The following KMT2A variants were observed in gnomAD, a reference collection of about 807,000 sequenced individuals.
The protein encoded by KMT2A is histone-lysine N-methyltransferase 2A.
KMT2A carries 16 observed loss-of-function variants against 345.3 expected under a neutral mutation model. The observed-to-expected ratio is 0.05, with a 90% confidence interval of 0.03 to 0.07. The LOEUF (loss-of-function observed/expected upper bound fraction) is 0.07, where lower values mean the gene tolerates loss of function less well. KMT2A is among the 10% of genes least tolerant of loss of function. The pLI is 1.00. For missense variants in KMT2A, 3,272 were observed against 4,841.6 expected (o/e 0.68, Z 9.62); for synonymous variants, 1,599 against 1,778.6 (o/e 0.90, Z 2.54).
chr11:118,502,683 C>T lies in KMT2A; in HGVS notation c.6791C>T (p.Ser2264Phe), dbSNP rs2134385964. 6.2e-7 allele frequency: 1 copy of T among 1,614,148 alleles called. No homozygotes were observed. Residue 2264 changes from serine to phenylalanine, a missense_variant, in exon 27 of 36, where the codon TCC becomes TTC. Ser to Phe is a radical substitution (Grantham distance 155). Coordinates refer to ENST00000534358, the MANE Select transcript of KMT2A (RefSeq NM_001197104.2). This position sits in a 1 kb window ranked among gnomAD's most constrained non-coding sequence, Gnocchi z 4.9. ...NSSTSLGQNT[S>F]TSSNLQRTVV... ...AGTACTAGTTTAGGGCAAAACACTT[C>T]CACCTCTTCAAATTTGCAAAGGACA... is the stretch of plus-strand genomic sequence containing the variant.
chr11:118,482,303 G>A (rs1456399103), intron 7 of KMT2A, 119 bp from the exon 8 acceptor site: 14 of 905,436 alleles, frequency 1.5e-5, no homozygotes, highest in African/African-American at 8.6e-5. Flanking sequence ...TTTCCTGTTC[G>A]AAGCCTAGAG....
Position 118,481,814 on chromosome 11 carries a change from C to T in KMT2A, c.3734C>T (p.Thr1245Ile), listed in dbSNP as rs528361199. 6.2e-7 allele frequency: 1 copy of T among 1,614,188 alleles called. No individual in the cohort carries two copies. The highest frequency in any genetic ancestry group is 1.1e-5 in the South Asian group (1 of 91,082). Reference sequence around the variant, plus strand: ...GTGGTGGACTCTAGTCAGAAACCTACCCCATCAGCAAGAGAGGATCCTGCC... The same window carrying T: ...GTGGTGGACTCTAGTCAGAAACCTATCCCATCAGCAAGAGAGGATCCTGCC... The part of the protein sequence containing the change: ...KNVVDSSQKP[T>I]PSAREDPAPK... The change falls in exon 7 of 36, where the codon ACC becomes ATC. Residue 1245 changes from threonine (T) to isoleucine (I), a missense_variant. This residue lies in a region of KMT2A where 168 missense variants were observed against 216.0 expected (regional missense o/e 0.78). Transcript: ENST00000534358.
intron 3 of KMT2A, among the ~76,000 whole-genome samples, chr11:118,474,931 C>T (rs1950007386): frequency 1.3e-5 from 2 of 151,824 alleles, no homozygotes; most frequent in South Asian, 2.1e-4. Context: ...TTGAGACCAG[C>T]CTGGCCTGGC....
At position 118,494,778 on chromosome 11, in the gene KMT2A, T is replaced by G; in HGVS notation, c.5363+11T>G. The G allele has an allele frequency of 6.2e-7, 1 of 1,607,238 alleles. No homozygotes were observed. The highest frequency in any genetic ancestry group is 8.5e-7 in the Non-Finnish European group (1 of 1,174,108). ...TAAAGTATCAAGCAAGTAAGTGAAT[T>G]TAGCATAACTTTTTTTTCTCCTCAT... On this transcript the variant is annotated intron_variant, in intron 18 of 35. Transcript: ENST00000534358. The surrounding 1 kb of genome is among the most constrained non-coding windows in gnomAD (Gnocchi z 5.8).
Position 118,490,063 on chromosome 11 carries a change from C to T in KMT2A, c.4576-66C>T, listed in dbSNP as rs2134333911. On this transcript the variant is annotated intron_variant, in intron 12 of 35. Coordinates refer to ENST00000534358, the MANE Select transcript of KMT2A (RefSeq NM_001197104.2). This position sits in a 1 kb window ranked among gnomAD's most constrained non-coding sequence, Gnocchi z 4.2. ...ATCTATAAATGGATGCATTTAAGAT[C>T]TTTTTAGTTAAGTAAAGATATTAAA... The T allele has an allele frequency of 1.3e-6, 2 of 1,529,560 alleles. No individual in the cohort carries two copies. The highest frequency in any genetic ancestry group is 8.8e-7 in the Non-Finnish European group (1 of 1,130,602). 94.7% of individuals were successfully genotyped at this position (1,529,560 alleles called of 1,614,324 possible).
Position 118,482,079 on chromosome 11 carries a change from A to T in KMT2A, c.3999A>T (p.Pro1333=), listed in dbSNP as rs782081647. ...TPSEPKKKQP[P]PPESGPEQSK... ...GTGAGCCCAAGAAAAAGCAGCCTCC[A>T]CCACCAGAATCAGGTGAGTGAGGAG... Residue 1333 remains proline (P), a synonymous_variant, in exon 7 of 36, where the codon CCA becomes CCT. Transcript: ENST00000534358. 5 of 1,607,858 alleles carry T rather than the reference A, an allele frequency of 3.1e-6. No individual in the cohort carries two copies. The African/African-American group carries it at 5.4e-5, about 17-fold the overall frequency.
Position 118,473,500 on chromosome 11 carries a change from A to G in KMT2A, c.2341A>G (p.Ser781Gly), listed in dbSNP as rs1413878132. ...CCCGTCTTCTGTCTCTTCCTCGTTA[A>G]GCATTTCTGTTAGTCCTCTTGCCAC... The part of the protein sequence containing the change: ...TPPSSVSSSL[S>G]ISVSPLATSA... The change falls in exon 3 of 36, where the codon AGC becomes GGC. Residue 781 changes from serine to glycine, a missense_variant. Physicochemically the swap from Ser to Gly is moderately conservative, Grantham distance 56. Coordinates refer to ENST00000534358, the MANE Select transcript of KMT2A (RefSeq NM_001197104.2). This position sits in a 1 kb window ranked among gnomAD's most constrained non-coding sequence, Gnocchi z 5.2. 1.2e-6 allele frequency: 2 copies of G among 1,613,976 alleles called. No individual in the cohort carries two copies. Among genetic ancestry groups the G allele is most frequent in the Non-Finnish European group, 1.7e-6 (2 of 1,180,032 alleles).
In KMT2A at chr11:118,501,624, T is replaced by G. The variant is rs1950502027; in HGVS notation, c.6320-48T>G. The G allele has an allele frequency of 6.0e-6, 9 of 1,491,706 alleles. No individual in the cohort carries two copies. In the Middle Eastern group the frequency reaches 7.1e-4, roughly 117 times the overall value. The allele number at this position is 1,491,706 out of a possible 1,614,324, so 92.4% of individuals were successfully genotyped here. ...ACTTTTTATTGGTTAATTTGTTTGATATTTTAATTGGGCCTTTTTAGTTAA... is the reference window on the plus strand; with the variant it reads ...ACTTTTTATTGGTTAATTTGTTTGAGATTTTAATTGGGCCTTTTTAGTTAA... On this transcript the variant is annotated intron_variant, in intron 25 of 35. Transcript: ENST00000534358.
In KMT2A at chr11:118,524,223, C is replaced by T. The variant is rs144157557; in HGVS notation, c.*2051C>T. 1,144 of 183,362 alleles carry T rather than the reference C, an allele frequency of 6.2e-3. 18 individuals carry two copies. The highest frequency in any genetic ancestry group is 0.024 in the African/African-American group (1,037 of 42,614). The allele number at this position is 183,362 out of a possible 1,614,324, so 11.4% of individuals were successfully genotyped here. ...AACTGAAGCACAGTCTGACCACTCA[C>T]GATAAAGCAGATTTTTCTCTGCCTC... On this transcript the variant is annotated 3_prime_UTR_variant, in exon 36 of 36. Transcript: ENST00000534358.
chr11:118,514,082 T>C (rs1437876581), intron 31 of KMT2A, among the ~76,000 whole-genome samples: 1 of 152,108 alleles, frequency 6.6e-6, no homozygotes, highest in East Asian at 1.9e-4. Flanking sequence ...AAAAGCCCTA[T>C]AACTGAGTCT....
chr11:118,526,247 CCAGT>C lies in KMT2A; in HGVS notation c.*4080_*4083del, dbSNP rs1223226763. 2 of 219,222 alleles carry C rather than the reference CCAGT, an allele frequency of 9.1e-6. No homozygotes were observed. Among genetic ancestry groups the C allele is most frequent in the South Asian group, 1.8e-4 (1 of 5,406 alleles). The allele number at this position is 219,222 out of a possible 1,614,324, so 13.6% of individuals were successfully genotyped here. A position where few individuals can be genotyped will look rare whatever the true frequency, so the allele number is the denominator to read the frequency against. On this transcript the variant is annotated 3_prime_UTR_variant, in exon 36 of 36. Coordinates refer to ENST00000534358, the MANE Select transcript of KMT2A (RefSeq NM_001197104.2). ...GATTTTTTTCTGCCCATGAATGTTG[CCAGT>C]CAGTACCTGTCCTCCTTGTTTCTCT...
intron 1 of KMT2A, among the ~76,000 whole-genome samples, chr11:118,444,917 G>C (rs1206041175): frequency 1.3e-5 from 2 of 152,164 alleles, no homozygotes; most frequent in African/African-American, 2.4e-5. Context: ...TTCTTCATTT[G>C]TAACTGAGAG....
intron 1 of KMT2A, among the ~76,000 whole-genome samples, chr11:118,452,966 A>G (rs782320999): frequency 6.6e-6 from 1 of 151,952 alleles, no homozygotes; most frequent in Non-Finnish European, 1.5e-5. Flanking sequence ...CAACCTCTCC[A>G]TTTGAGCTCT....
chr11:118,438,784 C>G (rs1325069815), intron 1 of KMT2A, among the ~76,000 whole-genome samples: 1 of 151,990 alleles, frequency 6.6e-6, no homozygotes, highest in Non-Finnish European at 1.5e-5. Context: ...TCTAAGGCAG[C>G]CTGATCAGGA....
chr11:118,503,186 G>C lies in KMT2A; in HGVS notation c.7294G>C (p.Gly2432Arg). The change falls in exon 27 of 36, where the codon GGG becomes CGG. Residue 2432 changes from glycine to arginine, a missense_variant. Gly to Arg is a moderately radical substitution (Grantham distance 125, BLOSUM62 -2). Around this residue, in one of 27 missense-constraint regions of KMT2A, gnomAD observed 445 missense variants for 500.9 expected, o/e 0.89. Coordinates refer to ENST00000534358, the MANE Select transcript of KMT2A (RefSeq NM_001197104.2). This position sits in a 1 kb window ranked among gnomAD's most constrained non-coding sequence, Gnocchi z 5.3. Reference sequence around the variant, plus strand: ...TAGTTCCAGAGATAGGAGACAGAAAGGGAAAAAATCCTGTAAAGAAACTTT... The same window carrying C: ...TAGTTCCAGAGATAGGAGACAGAAACGGAAAAAATCCTGTAAAGAAACTTT... ...GSSSRDRRQK[G>R]KKSCKETFKE... 6.2e-7 allele frequency: 1 copy of C among 1,613,950 alleles called. No individual in the cohort carries two copies.
chr11:118,506,296 T>A lies in KMT2A; in HGVS notation c.10404T>A (p.Ile3468=), dbSNP rs782627212. 1 of 1,614,180 alleles carries A rather than the reference T, an allele frequency of 6.2e-7. No homozygotes were observed. The highest frequency in any genetic ancestry group is 1.1e-5 in the South Asian group (1 of 91,076). The change falls in exon 27 of 36, where the codon ATT becomes ATA. Residue 3468 remains isoleucine, a synonymous_variant. Coordinates refer to ENST00000534358, the MANE Select transcript of KMT2A (RefSeq NM_001197104.2). ...VNQLLASKTG[I]HSSQRDLDSA... ...AGCTCCTTGCCAGCAAAACTGGGAT[T>A]CATTCTTCCCAGCGTGATCTTGATT...
In KMT2A at chr11:118,495,916, G is replaced by A. The variant is rs549240414; in HGVS notation, c.5557+23G>A. On this transcript the variant is annotated intron_variant, in intron 19 of 35. Transcript: ENST00000534358. The surrounding 1 kb of genome is among the most constrained non-coding windows in gnomAD (Gnocchi z 4.1). ...TGAGTAAGCCACCAAAAGGAGAGTC[G>A]TCACCCATTTCCCTCTAGATGCAGA... The A allele has an allele frequency of 1.9e-4, 294 of 1,569,000 alleles. No homozygotes were observed. Among genetic ancestry groups the A allele is most frequent in the South Asian group, 1.3e-3 (115 of 87,052 alleles).
At chr11:118,455,044 T>C (rs1949615185) in intron 1 of KMT2A, among the ~76,000 whole-genome samples, 1 of 152,078 alleles carries the variant, frequency 6.6e-6, no homozygotes, top group African/African-American at 2.4e-5. Context: ...TTTTTCTTCT[T>C]AGAGACAGGG....
At position 118,504,156 on chromosome 11, in the gene KMT2A, A is replaced by G. The variant is rs782159541; in HGVS notation, c.8264A>G (p.Asn2755Ser). The change falls in exon 27 of 36, where the codon AAC becomes AGC. Residue 2755 changes from asparagine to serine, a missense_variant. Around this residue, in one of 27 missense-constraint regions of KMT2A, gnomAD observed 100 missense variants for 101.3 expected, o/e 0.99. Transcript: ENST00000534358. The surrounding 1 kb of genome is among the most constrained non-coding windows in gnomAD (Gnocchi z 6.4). ...AATGGTAAAGAAAATGGAACAGAGA[A>G]CTTAAAGATTGATAGACCTGAAGAT... ...KRNGKENGTE[N>S]LKIDRPEDAG... 8.1e-6 allele frequency: 13 copies of G among 1,614,216 alleles called. No individual in the cohort carries two copies. The Admixed American group carries it at 2.2e-4, about 27-fold the overall frequency.
Sources: gnomAD v4.1 joint callset for allele counts (sites outside exome capture counted in the v4.1 genomes callset) on GRCh38, gnomAD v4.1.1 for gene constraint, gnomAD v4.1.1 regional missense constraint, Gnocchi (gnomAD v3.1) non-coding constraint, MANE v1.5 for transcripts, NCBI Gene and HGNC (gene_info 2026-07-23, HGNC 2026-07-21) for gene names.